The following SLC15A1 variants were observed in gnomAD, a reference collection of about 807,000 sequenced individuals.
SLC15A1 encodes the protein solute carrier family 15 member 1, also known as Caco-2 oligopeptide transporter.
SLC15A1 carries 83 observed loss-of-function variants against 92.9 expected under a neutral mutation model. That is an observed-to-expected ratio of 0.89 (90% confidence interval 0.75 to 1.07). SLC15A1 has a LOEUF of 1.07. SLC15A1 is among the 50% of genes least tolerant of loss of function. SLC15A1 has a pLI of 0.00. For synonymous variants in SLC15A1, 322 were observed against 318.2 expected (o/e 1.01, Z -0.13); for missense variants, 857 against 880.1 (o/e 0.97, Z 0.33).
chr13:98,718,783 T>G (rs2088231400), intron 8 of SLC15A1, among the ~76,000 whole-genome samples: 1 of 152,176 alleles, frequency 6.6e-6, no homozygotes, highest in Non-Finnish European at 1.5e-5. Context: ...CACTCCAGCC[T>G]GGGCGACAAG....
chr13:98,751,196 C>T (rs1332173178), intron 1 of SLC15A1, among the ~76,000 whole-genome samples: 1 of 152,072 alleles, frequency 6.6e-6, no homozygotes, highest in Non-Finnish European at 1.5e-5. Flanking sequence ...TGCATATCAA[C>T]TTTTTTGTTG....
chr13:98,686,683 A>G (rs1424291092), intron 21 of SLC15A1, among the ~76,000 whole-genome samples: 3 of 152,160 alleles, frequency 2.0e-5, no homozygotes, highest in African/African-American at 7.2e-5. Context: ...CCACATCTCC[A>G]AAATCTCTTC....
chr13:98,724,443 G>A (rs570104818), intron 4 of SLC15A1, among the ~76,000 whole-genome samples: 51 of 152,024 alleles, frequency 3.4e-4, no homozygotes, highest in Non-Finnish European at 6.2e-4. Context: ...GGTTGAAGCT[G>A]CAGTGAGCCA....
intron 9 of SLC15A1, among the ~76,000 whole-genome samples, chr13:98,714,724 G>A (rs12867528): frequency 1.4e-4 from 21 of 148,710 alleles, no homozygotes; most frequent in African/African-American, 5.2e-4. Flanking sequence ...GTAAGATAAA[G>A]TAAGTGATCT....
intron 1 of SLC15A1, among the ~76,000 whole-genome samples, chr13:98,745,458 A>C (rs1228750415): frequency 6.6e-6 from 1 of 152,186 alleles, no homozygotes; most frequent in Non-Finnish European, 1.5e-5. Context: ...ATTTGGAAAT[A>C]GGATCATTAC....
chr13:98,687,525 C>T (rs1218631528), intron 21 of SLC15A1, 56 bp downstream of exon 21: 1 of 1,576,034 alleles, frequency 6.3e-7, no homozygotes, highest in Non-Finnish European at 8.6e-7. Context: ...GTCCCATCAG[C>T]ATTTTCTGCA....
In SLC15A1 at chr13:98,684,849, G is replaced by A. The variant is rs548896011; in HGVS notation, c.2002C>T (p.Arg668Trp). ...VVCVIFAIMA[R>W]FYTYINPAEI... ...GCTGGGTTGATGTAAGTATAGAACC[G>A]AGCCATGATGGCAAAAATTACACAG... Residue 668 changes from arginine (R) to tryptophan (W), a missense_variant, in exon 23 of 23, where the codon CGG becomes TGG. Physicochemically the swap from Arg to Trp is moderately radical, Grantham distance 101 (BLOSUM62 -3). Transcript: ENST00000376503. The A allele has an allele frequency of 1.8e-5, 29 of 1,613,994 alleles. No homozygotes were observed. The highest frequency in any genetic ancestry group is 1.3e-4 in the East Asian group (6 of 44,868).
intron 22 of SLC15A1, 72 bp from the exon 23 acceptor site, chr13:98,684,987 G>A (rs183862086): frequency 6.8e-6 from 9 of 1,324,862 alleles, no homozygotes; most frequent in South Asian, 2.6e-5. Context: ...AATATATGGT[G>A]CGTACATGTT....
intron 18 of SLC15A1, among the ~76,000 whole-genome samples, chr13:98,689,559 C>T (rs1403760679): frequency 6.6e-6 from 1 of 152,196 alleles, no homozygotes; most frequent in Non-Finnish European, 1.5e-5. Flanking sequence ...GATCCTCCCA[C>T]CTTAGCTTCC....
chr13:98,684,812 G>C lies in SLC15A1; in HGVS notation c.2039C>G (p.Ala680Gly). 1 of 1,614,054 alleles carries C rather than the reference G, an allele frequency of 6.2e-7. No homozygotes were observed. The highest frequency in any genetic ancestry group is 8.5e-7 in the Non-Finnish European group (1 of 1,180,016). Reference protein sequence around the residue: ...YTYINPAEIEAQFDEDEKKNR... With the variant: ...YTYINPAEIEGQFDEDEKKNR... ...TTTCTTTTCATCCTCATCAAATTGAGCTTCGATCTCCGCTGGGTTGATGTA... is the reference window on the plus strand; with the variant it reads ...TTTCTTTTCATCCTCATCAAATTGACCTTCGATCTCCGCTGGGTTGATGTA... Residue 680 changes from alanine (A) to glycine (G), a missense_variant, in exon 23 of 23, where the codon GCT becomes GGT. Physicochemically the swap from Ala to Gly is moderately conservative, Grantham distance 60. Coordinates refer to ENST00000376503, the MANE Select transcript of SLC15A1 (RefSeq NM_005073.4).
chr13:98,726,011 C>G, intron 4 of SLC15A1, 112 bp downstream of exon 4: 2 of 1,384,178 alleles, frequency 1.4e-6, no homozygotes, highest in Non-Finnish European at 2.0e-6. Flanking sequence ...CCTGGCCTCT[C>G]CTAAGAGTTT....
At chr13:98,732,457 G>C (rs1039512952) in intron 1 of SLC15A1, among the ~76,000 whole-genome samples, 12 of 152,212 alleles carry the variant, frequency 7.9e-5, no homozygotes, top group African/African-American at 2.9e-4. Context: ...TTACTGACTT[G>C]GGGGTTGGGG....
chr13:98,709,882 A>G lies in SLC15A1; in HGVS notation c.930T>C (p.Thr310=), dbSNP rs372325568. The change falls in exon 12 of 23, where the codon ACT becomes ACC. Residue 310 remains threonine, a synonymous_variant. Transcript: ENST00000376503. The part of the protein sequence containing the change: ...QGSRWTLQAT[T]MSGKIGALEI... ...TCAAACTTACGATTTTCCCGGACAT[A>G]GTTGTTGCCTGCAGTGTCCACCTGG... The G allele has an allele frequency of 3.1e-6, 5 of 1,614,222 alleles. No individual in the cohort carries two copies. Among genetic ancestry groups the G allele is most frequent in the Non-Finnish European group, 4.2e-6 (5 of 1,180,030 alleles).
intron 1 of SLC15A1, among the ~76,000 whole-genome samples, chr13:98,744,600 T>G (rs1162764905): frequency 6.6e-6 from 1 of 151,530 alleles, no homozygotes; most frequent in East Asian, 1.9e-4. Flanking sequence ...GATACAAAAA[T>G]TAGCCGGGCG....
intron 1 of SLC15A1, among the ~76,000 whole-genome samples, chr13:98,730,272 AG>A (rs1163244060): frequency 2.3e-3 from 33 of 14,354 alleles, no homozygotes; most frequent in Admixed American, 6.4e-3. Flanking sequence ...GGGGAAGGGG[AG>A]GGGAAGGGGA....
rs1294129163 is a variant in SLC15A1 at position 98,710,828 on chromosome 13, A to G, written c.901-917T>C. On this transcript the variant is annotated intron_variant, in intron 11 of 22. Transcript: ENST00000376503. ...TGACTCAAAAAAAAAAAAAAAAAAA[A>G]AAAAGAAATCTACCCCTGTTTGAGT... is the stretch of plus-strand genomic sequence containing the variant. Among the ~76,000 whole-genome samples the G allele has an allele frequency of 5.3e-5, 8 of 151,608 alleles. No homozygotes were observed. In the East Asian group the frequency reaches 7.7e-4, roughly 15 times the overall value.
intron 18 of SLC15A1, among the ~76,000 whole-genome samples, chr13:98,689,066 C>T (rs1201752016): frequency 6.6e-6 from 1 of 152,100 alleles, no homozygotes; most frequent in African/African-American, 2.4e-5. Context: ...CAGCCTCCCG[C>T]GTAGTTGGGA....
chr13:98,737,806 A>G (rs1203041026), intron 1 of SLC15A1, among the ~76,000 whole-genome samples: 1 of 152,246 alleles, frequency 6.6e-6, no homozygotes, highest in African/African-American at 2.4e-5. Flanking sequence ...TGGAACGGGC[A>G]TAGGTCAGAA....
At chr13:98,706,436 C>A (rs891443818) in intron 15 of SLC15A1, among the ~76,000 whole-genome samples, 183 bp from the exon 16 acceptor site, 5 of 152,138 alleles carry the variant, frequency 3.3e-5, no homozygotes, top group African/African-American at 1.2e-4. Context: ...GACTTTTGCA[C>A]GGAATACTGA....
Sources: gnomAD v4.1 joint callset for allele counts (sites outside exome capture counted in the v4.1 genomes callset) on GRCh38, gnomAD v4.1.1 for gene constraint, MANE v1.5 for transcripts, NCBI Gene and HGNC (gene_info 2026-07-23, HGNC 2026-07-21) for gene names.